DENND1B: variants seen among roughly 807,000 people sequenced by gnomAD.
DENND1B encodes the protein DENN domain containing 1B.
In DENND1B, 59 loss-of-function variants were observed where a neutral mutation model predicts 90.1. The ratio of observed to expected loss-of-function variants is 0.65; its 90% CI spans 0.53 to 0.81. DENND1B has a LOEUF of 0.81. Among genes scored for constraint, DENND1B ranks in the 40% least tolerant of loss-of-function variants. The pLI is 0.00. For missense variants in DENND1B, 862 were observed against 912.6 expected, an observed-to-expected ratio of 0.94 and a Z score of 0.71; for synonymous variants, 337 against 324.6, an observed-to-expected ratio of 1.04 and a Z score of -0.41.
chr1:197,616,551 G>T lies in DENND1B; in HGVS notation c.773+1108C>A, dbSNP rs75924009. ...TCAATACTAATAATATTACCATGCT[G>T]TGGAAACACACCAATATATTAACGT... is the stretch of plus-strand genomic sequence containing the variant. On this transcript the variant is annotated intron_variant, in intron 11 of 22. Transcript: ENST00000620048. Among the ~76,000 whole-genome samples the T allele has an allele frequency of 5.1e-3, 765 of 151,170 alleles. 4 individuals carry two copies. The highest frequency in any genetic ancestry group is 7.0e-3 in the Non-Finnish European group (470 of 67,376).
intron 3 of DENND1B, among the ~76,000 whole-genome samples, chr1:197,697,184 C>T (rs1658522284): frequency 6.6e-6 from 1 of 151,198 alleles, no homozygotes; most frequent in Non-Finnish European, 1.5e-5. Flanking sequence ...ATATCTTCCA[C>T]AGTGCTTCAG....
At chr1:197,650,748 A>T (rs2125933023) in intron 7 of DENND1B, among the ~76,000 whole-genome samples, 2 of 152,344 alleles carry the variant, frequency 1.3e-5, no homozygotes, top group South Asian at 4.1e-4. Context: ...TATTATTCTA[A>T]GTGAAGTGCC....
At chr1:197,552,178 T>C in intron 16 of DENND1B, 1 of 969,362 alleles carries the variant, frequency 1.0e-6, no homozygotes. Context: ...ACTGAAGTTT[T>C]TTTTCCTCAA....
upstream of DENND1B, among the ~76,000 whole-genome samples, chr1:197,778,278 T>C (rs770508751): frequency 6.6e-6 from 1 of 152,198 alleles, no homozygotes; most frequent in Non-Finnish European, 1.5e-5. Flanking sequence ...TAAACCATCA[T>C]GTTTCAAATT....
chr1:197,628,449 G>T (rs1678998024), intron 10 of DENND1B, among the ~76,000 whole-genome samples: 1 of 152,122 alleles, frequency 6.6e-6, no homozygotes, highest in Non-Finnish European at 1.5e-5. Flanking sequence ...TTAATAAATG[G>T]TGCTGGGAAA....
intron 15 of DENND1B, among the ~76,000 whole-genome samples, chr1:197,566,412 T>G (rs1452568488): frequency 6.6e-6 from 1 of 152,036 alleles, no homozygotes; most frequent in Non-Finnish European, 1.5e-5. Context: ...ATGAATAGGT[T>G]GCAAAAATTT....
intron 5 of DENND1B, among the ~76,000 whole-genome samples, chr1:197,666,547 G>T (rs1197168116): frequency 6.6e-6 from 1 of 152,166 alleles, no homozygotes; most frequent in Non-Finnish European, 1.5e-5. Context: ...TCTTGCTTAT[G>T]CAAGGATTTT....
At chr1:197,648,450 G>A (rs1452277896) in intron 7 of DENND1B, among the ~76,000 whole-genome samples, 1 of 151,978 alleles carries the variant, frequency 6.6e-6, no homozygotes, top group African/African-American at 2.4e-5. Context: ...TTTTTGAGAT[G>A]TACTTTTGTA....
At chr1:197,562,889 T>C (rs2125708203) in intron 15 of DENND1B, among the ~76,000 whole-genome samples, 1 of 152,050 alleles carries the variant, frequency 6.6e-6, no homozygotes, top group East Asian at 1.9e-4. Context: ...GAAACAGCCT[T>C]ATTGCTGAGA....
intron 13 of DENND1B, among the ~76,000 whole-genome samples, chr1:197,598,822 C>T (rs2125817973): frequency 6.6e-6 from 1 of 151,876 alleles, no homozygotes; most frequent in East Asian, 1.9e-4. Context: ...ATTGTATTGT[C>T]TTTAGAGATT....
intron 15 of DENND1B, among the ~76,000 whole-genome samples, chr1:197,554,644 C>T (rs1671547931): frequency 6.6e-6 from 1 of 151,622 alleles, no homozygotes; most frequent in African/African-American, 2.4e-5. Context: ...TCGAGACCAT[C>T]CTAGCCAACA....
chr1:197,778,621 G>A (rs1657355101), upstream of DENND1B, among the ~76,000 whole-genome samples: 2 of 151,928 alleles, frequency 1.3e-5, 1 homozygote, highest in Admixed American at 1.3e-4. Flanking sequence ...AGGTTGCAGT[G>A]AGCCAAGATC....
At chr1:197,723,662 C>T (rs1175224891) in intron 2 of DENND1B, among the ~76,000 whole-genome samples, 3 of 152,012 alleles carry the variant, frequency 2.0e-5, no homozygotes, top group African/African-American at 7.2e-5. Context: ...ACCTAATATA[C>T]CTTTGAGTCA....
chr1:197,551,398 C>T (rs1671231503), intron 16 of DENND1B, among the ~76,000 whole-genome samples: 1 of 152,026 alleles, frequency 6.6e-6, no homozygotes, highest in South Asian at 2.1e-4. Context: ...GAGTTCAAAA[C>T]CTTTTCATTT....
chr1:197,758,322 T>C (rs1287939252), intron 2 of DENND1B, among the ~76,000 whole-genome samples: 3 of 152,238 alleles, frequency 2.0e-5, no homozygotes, highest in Admixed American at 6.5e-5. Flanking sequence ...GACCTTTCTT[T>C]AGCATTCCTG....
intron 15 of DENND1B, among the ~76,000 whole-genome samples, chr1:197,572,941 T>C (rs1300595834): frequency 6.6e-6 from 1 of 152,220 alleles, no homozygotes; most frequent in Non-Finnish European, 1.5e-5. Context: ...CCAAAGGTAG[T>C]ATTCTCTGAC....
chr1:197,721,019 G>A (rs1022700094), intron 2 of DENND1B, among the ~76,000 whole-genome samples: 4 of 150,900 alleles, frequency 2.7e-5, no homozygotes, highest in African/African-American at 9.8e-5. Context: ...CAAACAGACT[G>A]CTGGGTCCCA....
intron 7 of DENND1B, 101 bp downstream of exon 7, chr1:197,652,134 C>T (rs1653284363): frequency 2.3e-6 from 2 of 881,994 alleles, no homozygotes; most frequent in Non-Finnish European, 3.6e-6. Context: ...TTCCTGGAAG[C>T]AGAGATGACT....
intron 21 of DENND1B, 57 bp from the exon 22 acceptor site, chr1:197,512,001 G>C: frequency 1.5e-6 from 2 of 1,311,004 alleles, no homozygotes; most frequent in South Asian, 2.9e-5. Flanking sequence ...CTGCATGTAA[G>C]TAATCTCTCA....
Sources: gnomAD v4.1 joint callset for allele counts (sites outside exome capture counted in the v4.1 genomes callset) on GRCh38, gnomAD v4.1.1 for gene constraint, MANE v1.5 for transcripts, NCBI Gene and HGNC (gene_info 2026-07-23, HGNC 2026-07-21) for gene names.